OVCH1: variants seen among roughly 807,000 people sequenced by gnomAD.
OVCH1 encodes ovochymase-1.
OVCH1 carries 139 observed loss-of-function variants against 138.4 expected under a neutral mutation model. The observed-to-expected ratio is 1.00, with a 90% CI of 0.87 to 1.16. The LOEUF is 1.16. Among genes scored for constraint, OVCH1 ranks in the 50% most tolerant of loss-of-function variants. OVCH1 has a pLI of 0.00. For missense variants in OVCH1, 1,367 were observed against 1,357.9 expected, an observed-to-expected ratio of 1.01 and a Z score of -0.11; for synonymous variants, 453 against 467.8, an observed-to-expected ratio of 0.97 and a Z score of 0.41.
intron 22 of OVCH1, among the ~76,000 whole-genome samples, chr12:29,448,742 C>A (rs771822042): frequency 5.9e-5 from 9 of 152,086 alleles, no homozygotes; most frequent in Non-Finnish European, 1.3e-4. Context: ...AAGAAAGATT[C>A]TTTAAGCAAA....
rs566349296 is a variant in OVCH1, at chr12:29,460,774, C to T, written c.2280+1080G>A. The stretch of plus-strand genomic sequence containing the variant: ...CTGCCTTCCCTTCCCTGTACCATCT[C>T]CTCCCTTTCCTACTGGTGATATCTA... On this transcript the variant is annotated intron_variant, in intron 19 of 27. Coordinates refer to ENST00000318184, the Ensembl canonical transcript of OVCH1. Among the ~76,000 whole-genome samples, 12 of 152,032 alleles carry T rather than the reference C, an allele frequency of 7.9e-5. No individual in the cohort carries two copies. In the South Asian group the frequency reaches 2.3e-3, roughly 29 times the overall value.
rs749853889 is a variant in OVCH1, at chr12:29,483,884, C to T, written c.995+2362G>A. On this transcript the variant is annotated intron_variant, in intron 8 of 27. Coordinates refer to ENST00000318184, the Ensembl canonical transcript of OVCH1. Reference sequence around the variant, plus strand: ...TTATATCTCTCCCCACACTTCTAACCACTCCACACATACCTTAAAAACCAC... The same window carrying T: ...TTATATCTCTCCCCACACTTCTAACTACTCCACACATACCTTAAAAACCAC... Among the ~76,000 whole-genome samples, 39 of 152,198 alleles carry T rather than the reference C, an allele frequency of 2.6e-4. 1 individual carries two copies. The highest frequency in any genetic ancestry group is 5.0e-4 in the Non-Finnish European group (34 of 68,040).
downstream of OVCH1, among the ~76,000 whole-genome samples, chr12:29,425,241 C>T (rs769292716): frequency 9.2e-5 from 14 of 152,006 alleles, no homozygotes; most frequent in African/African-American, 1.9e-4. Flanking sequence ...TTGGTTCCAC[C>T]GAGTACGGTA....
chr12:29,418,593 AC>A (rs1210077167), intron 3 of OVCH1, among the ~76,000 whole-genome samples: 1 of 152,226 alleles, frequency 6.6e-6, no homozygotes, highest in Non-Finnish European at 1.5e-5. Context: ...TAGAAGAGTT[AC>A]CCATACAGAC....
chr12:29,419,874 A>G (rs1941079667), intron 3 of OVCH1, among the ~76,000 whole-genome samples: 1 of 152,202 alleles, frequency 6.6e-6, no homozygotes, highest in South Asian at 2.1e-4. Context: ...AGTTTTGAAC[A>G]CATGAAAGTC....
At chr12:29,478,748 C>G in intron 9 of OVCH1, 87 bp downstream of exon 10, 1 of 946,590 alleles carries the variant, frequency 1.1e-6, no homozygotes, top group East Asian at 3.1e-5. Context: ...GCAGAGCAGC[C>G]AGAAATTTTA....
chr12:29,440,306 A>G (rs1941451769), intron 25 of OVCH1, among the ~76,000 whole-genome samples: 1 of 152,214 alleles, frequency 6.6e-6, no homozygotes, highest in Non-Finnish European at 1.5e-5. Flanking sequence ...AATTAATTCT[A>G]AGTAAAGAAC....
downstream of OVCH1, among the ~76,000 whole-genome samples, chr12:29,427,103 C>A (rs1271848952): frequency 1.3e-5 from 2 of 152,148 alleles, no homozygotes; most frequent in Non-Finnish European, 2.9e-5. Context: ...ATAGCCTGAG[C>A]TGCACAATTG....
At position 29,462,976 on chromosome 12, in the gene OVCH1, T is replaced by G. The variant is rs550339220; in HGVS notation, c.2126-968A>C. On this transcript the variant is annotated intron_variant, in intron 18 of 27. Transcript: ENST00000318184. The stretch of plus-strand genomic sequence containing the variant: ...CCTCTCCTAGCTGGAAAGAATGAAT[T>G]CGTCTTTTATAAGACTACCTCTCAG... Among the ~76,000 whole-genome samples the G allele has an allele frequency of 7.9e-5, 12 of 152,332 alleles. No individual in the cohort carries two copies. The South Asian group carries it at 2.3e-3, about 29-fold the overall frequency.
At chr12:29,497,351 A>G (rs1943446970) in intron 1 of OVCH1, among the ~76,000 whole-genome samples, 1 of 152,206 alleles carries the variant, frequency 6.6e-6, no homozygotes. Flanking sequence ...CTACTTGGTT[A>G]GGTTTCCTTG....
downstream of OVCH1, among the ~76,000 whole-genome samples, chr12:29,408,936 C>G (rs1394609667): frequency 2.0e-5 from 3 of 152,142 alleles, no homozygotes; most frequent in Non-Finnish European, 4.4e-5. Flanking sequence ...TCCATCTGGT[C>G]CTGGACTCTT....
At chr12:29,413,146 G>A (rs1940983170) in intron 3 of OVCH1, among the ~76,000 whole-genome samples, 3 of 151,878 alleles carry the variant, frequency 2.0e-5, no homozygotes, top group Non-Finnish European at 2.9e-5. Context: ...ATAGGTGTGA[G>A]CCCTGCACCT....
At chr12:29,425,961 A>C (rs749173302), downstream of OVCH1, 1 of 152,206 alleles carries the variant, frequency 6.6e-6, no homozygotes, top group African/African-American at 2.4e-5. Context: ...CAGTTTGCCA[A>C]CGTTCCTTAA....
chr12:29,483,171 T>G (rs1942987998), intron 8 of OVCH1, among the ~76,000 whole-genome samples: 1 of 152,236 alleles, frequency 6.6e-6, no homozygotes, highest in South Asian at 2.1e-4. Flanking sequence ...GTTCTGAATT[T>G]TTCCCATCTT....
chr12:29,406,973 T>C, the OVCH1 span, among the ~76,000 whole-genome samples: 10 of 148,694 alleles, frequency 6.7e-5, no homozygotes, highest in African/African-American at 2.5e-4. Flanking sequence ...ACCTGTTGTT[T>C]CCTGACTTTT....
At chr12:29,411,034 G>T (rs11834890), downstream of OVCH1, among the ~76,000 whole-genome samples, 93,703 of 143,898 alleles carry the variant, frequency 0.65, 32,174 homozygotes, top group Middle Eastern at 0.86. Context: ...TAAACTTCCC[G>T]TCTCACTTCA....
chr12:29,467,766 T>C (rs1043690943), intron 16 of OVCH1, among the ~76,000 whole-genome samples: 2 of 152,182 alleles, frequency 1.3e-5, no homozygotes, highest in Non-Finnish European at 2.9e-5. Flanking sequence ...TTTTCCTAAG[T>C]GTGGAACACC....
the OVCH1 span, among the ~76,000 whole-genome samples, chr12:29,405,666 C>A: frequency 6.6e-6 from 1 of 152,298 alleles, no homozygotes; most frequent in South Asian, 2.1e-4. Flanking sequence ...TGTATGGATT[C>A]TTTTTATCTT....
rs75575431 is a variant in OVCH1 at position 29,428,439 on chromosome 12, G to A, written c.3328-791C>T. Among the ~76,000 whole-genome samples the A allele has an allele frequency of 3.0e-3, 454 of 152,294 alleles. 4 individuals are homozygous for A. The highest frequency in any genetic ancestry group is 0.01 in the African/African-American group (435 of 41,550). ...TGTGTATACTCCCTCTCTGCAATGA[G>A]TGCAAAATGCAATTTGTTCAACTAC... On this transcript the variant is annotated intron_variant, in intron 27 of 27. Coordinates refer to ENST00000318184, the Ensembl canonical transcript of OVCH1.
Sources: allele counts gnomAD v4.1 joint callset (sites outside exome capture counted in the v4.1 genomes callset), GRCh38; gene constraint gnomAD v4.1.1; transcripts MANE v1.5; gene names NCBI Gene and HGNC (gene_info 2026-07-23, HGNC 2026-07-21).